Variants in HIRA observed in about 807,000 individuals in gnomAD.
The protein encoded by HIRA is protein HIRA.
A neutral mutation model predicts 126.6 loss-of-function variants in HIRA; 13 were observed. The ratio of observed to expected loss-of-function variants is 0.10; its 90% CI spans 0.07 to 0.16. HIRA has a LOEUF of 0.16. HIRA is among the 10% of genes least tolerant of loss of function. The pLI is 1.00. For synonymous variants in HIRA, 511 were observed against 520.0 expected, an observed-to-expected ratio of 0.98 and a Z score of 0.24; for missense variants, 834 against 1,314.4, an observed-to-expected ratio of 0.63 and a Z score of 5.65.
chr22:19,332,777 GAA>G (rs1176350205), intron 24 of HIRA, among the ~76,000 whole-genome samples: 16 of 87,656 alleles, frequency 1.8e-4, no homozygotes, highest in Admixed American at 4.5e-4. Context: ...CAGGGGAAAG[GAA>G]AAAAAAAAAG....
rs2089404529 is a variant in HIRA, at chr22:19,417,099, C to T, written c.38-6321G>A. ...CCTGTAGTCCTATCTACTCTGGAGG[C>T]TGAAGCAGGAGAATCACTTGAACCC... is the stretch of plus-strand genomic sequence containing the variant. On this transcript the variant is annotated intron_variant, in intron 1 of 24. Coordinates refer to ENST00000263208, the MANE Select transcript of HIRA (RefSeq NM_003325.4). Among the ~76,000 whole-genome samples, 3 of 151,988 alleles carry T rather than the reference C, an allele frequency of 2.0e-5. No homozygotes were observed. The South Asian group carries it at 6.2e-4, about 32-fold the overall frequency.
chr22:19,394,310 G>A, intron 8 of HIRA, 32 bp downstream of exon 8: 1 of 1,605,542 alleles, frequency 6.2e-7, no homozygotes. Flanking sequence ...GAATCTTGGA[G>A]CCCATCTCCC....
chr22:19,356,812 C>T (rs565377819), intron 19 of HIRA, 78 bp downstream of exon 19: 12 of 1,416,990 alleles, frequency 8.5e-6, no homozygotes, highest in Admixed American at 1.9e-5. Flanking sequence ...GCCTTCCCTG[C>T]CCCTGCAGTG....
At chr22:19,346,982 C>T (rs2088694062) in intron 24 of HIRA, among the ~76,000 whole-genome samples, 1 of 152,204 alleles carries the variant, frequency 6.6e-6, no homozygotes, top group South Asian at 2.1e-4. Flanking sequence ...GTGGCTCCTT[C>T]TGTCTATACC....
At chr22:19,343,757 T>A (rs1398096848) in intron 24 of HIRA, among the ~76,000 whole-genome samples, 2 of 150,858 alleles carry the variant, frequency 1.3e-5, no homozygotes, top group Non-Finnish European at 2.9e-5. Context: ...GAAAACCCCA[T>A]CTCTACAAAA....
At chr22:19,342,458 C>T (rs1486208049) in intron 24 of HIRA, among the ~76,000 whole-genome samples, 1 of 152,176 alleles carries the variant, frequency 6.6e-6, no homozygotes, top group Non-Finnish European at 1.5e-5. Context: ...ACGATCTCGG[C>T]TCACTGGAAC....
Position 19,355,817 on chromosome 22 carries a change from G to A in HIRA, c.2504C>T (p.Pro835Leu). Reference protein sequence around the residue: ...SQILLTQHGIPVMNLSDGKAY... With the variant: ...SQILLTQHGILVMNLSDGKAY... The stretch of plus-strand genomic sequence containing the variant: ...CTTCCCATCGGACAGGTTCATTACT[G>A]GGATTCCATGCTGCGTCAGCAAGAT... The change falls in exon 21 of 25, where the codon CCA (proline) becomes CTA (leucine). Residue 835 changes from proline to leucine, a missense_variant. Pro to Leu is a moderately conservative substitution (Grantham distance 98). Around this residue, in one of 5 missense-constraint regions of HIRA, gnomAD observed 468 missense variants for 574.2 expected, o/e 0.82. Coordinates refer to ENST00000263208, the MANE Select transcript of HIRA (RefSeq NM_003325.4). 1 of 1,614,054 alleles carries A rather than the reference G, an allele frequency of 6.2e-7. No homozygotes were observed. Among genetic ancestry groups the A allele is most frequent in the Non-Finnish European group, 8.5e-7 (1 of 1,179,914 alleles).
chr22:19,382,773 T>C (rs1393023228), intron 13 of HIRA, among the ~76,000 whole-genome samples: 1 of 139,244 alleles, frequency 7.2e-6, no homozygotes, highest in East Asian at 2.0e-4. Context: ...TTTTCTTTCT[T>C]TTTTTTTTTT....
intron 1 of HIRA, among the ~76,000 whole-genome samples, chr22:19,427,038 G>A (rs977298994): frequency 5.9e-5 from 9 of 152,130 alleles, no homozygotes; most frequent in Admixed American, 2.0e-4. Flanking sequence ...CAGTCTAGTC[G>A]GAACTGTAAG....
At chr22:19,425,212 C>T (rs1336974323) in intron 1 of HIRA, among the ~76,000 whole-genome samples, 1 of 152,236 alleles carries the variant, frequency 6.6e-6, no homozygotes, top group African/African-American at 2.4e-5. Context: ...ATATTTGCAA[C>T]ACTCCCTTTG....
chr22:19,421,198 C>A (rs542141828), intron 1 of HIRA, among the ~76,000 whole-genome samples: 1 of 151,762 alleles, frequency 6.6e-6, no homozygotes, highest in South Asian at 2.1e-4. Context: ...AATCGGAAGG[C>A]TGAGGCAGGA....
chr22:19,352,053 AGT>A (rs1385821090), intron 23 of HIRA, among the ~76,000 whole-genome samples: 1 of 152,002 alleles, frequency 6.6e-6, no homozygotes, highest in African/African-American at 2.4e-5. Context: ...AAAAGGGTGG[AGT>A]AAGAGAGATG....
Position 19,418,345 on chromosome 22 carries a change from C to T in HIRA, c.38-7567G>A, listed in dbSNP as rs192251386. Among the ~76,000 whole-genome samples the T allele has an allele frequency of 2.7e-3, 410 of 151,914 alleles. 1 individual carries two copies. Among genetic ancestry groups the T allele is most frequent in the Non-Finnish European group, 4.4e-3 (298 of 67,958 alleles). Reference sequence around the variant, plus strand: ...TGGGTGTAATTATAAAAATTGTTGGCGGGGTGCGGTGGCTCACACCTGTAA... The same window carrying T: ...TGGGTGTAATTATAAAAATTGTTGGTGGGGTGCGGTGGCTCACACCTGTAA... On this transcript the variant is annotated intron_variant, in intron 1 of 24. Transcript: ENST00000263208.
intron 13 of HIRA, 109 bp downstream of exon 13, chr22:19,383,511 G>A: frequency 2.3e-6 from 2 of 858,694 alleles, no homozygotes; most frequent in South Asian, 3.0e-5. Flanking sequence ...TGTTCTACCA[G>A]TCAGGTTGTG....
chr22:19,393,637 T>C (rs1440476912), intron 8 of HIRA, among the ~76,000 whole-genome samples: 1 of 152,212 alleles, frequency 6.6e-6, no homozygotes, highest in Non-Finnish European at 1.5e-5. Context: ...ATTACAGGCA[T>C]GAGCCACCGT....
At chr22:19,346,984 G>C (rs183989387) in intron 24 of HIRA, among the ~76,000 whole-genome samples, 2 of 152,214 alleles carry the variant, frequency 1.3e-5, no homozygotes. Context: ...GGCTCCTTCT[G>C]TCTATACCAC....
At chr22:19,388,681 T>G in intron 9 of HIRA, 127 bp from the exon 10 acceptor site, 2 of 727,880 alleles carry the variant, frequency 2.7e-6, no homozygotes, top group Non-Finnish European at 4.9e-6. Context: ...CATCTTCAAC[T>G]CTATTCAAAC....
rs2089095836 is a variant in HIRA, at chr22:19,383,490, C to T, written c.1415+130G>A. On this transcript the variant is annotated intron_variant, in intron 13 of 24. Coordinates refer to ENST00000263208, the MANE Select transcript of HIRA (RefSeq NM_003325.4). ...GACTGCGGGAAGCTGAGCTTCACTT[C>T]CTTGCTTCCATGTTCTACCAGTCAG... is the stretch of plus-strand genomic sequence containing the variant. The T allele has an allele frequency of 2.0e-5, 15 of 742,530 alleles. No homozygotes were observed. The South Asian group carries it at 2.4e-4, about 12-fold the overall frequency. The allele number at this position is 742,530 out of a possible 1,614,324, so 46.0% of individuals were successfully genotyped here.
intron 24 of HIRA, among the ~76,000 whole-genome samples, chr22:19,332,120 G>GA (rs782259714): frequency 9.2e-5 from 14 of 152,208 alleles, no homozygotes; most frequent in Non-Finnish European, 1.9e-4. Flanking sequence ...ACCACAGTCT[G>GA]AAACAAGCAT....
Sources: gnomAD v4.1 joint callset for allele counts (sites outside exome capture counted in the v4.1 genomes callset) on GRCh38, gnomAD v4.1.1 for gene constraint, gnomAD v4.1.1 regional missense constraint, MANE v1.5 for transcripts, NCBI Gene and HGNC (gene_info 2026-07-23, HGNC 2026-07-21) for gene names.